The following TRIM22 variants were observed in gnomAD, a reference collection of about 807,000 sequenced individuals.
TRIM22 encodes E3 ubiquitin-protein ligase TRIM22.
In TRIM22, 45 loss-of-function variants were observed where a neutral mutation model predicts 53.6. The observed-to-expected ratio is 0.84, with a 90% CI of 0.66 to 1.08. The LOEUF (loss-of-function observed/expected upper bound fraction) is 1.08, where lower values mean the gene tolerates loss of function less well. Among genes scored for constraint, TRIM22 ranks in the 50% least tolerant of loss-of-function variants. The probability of loss-of-function intolerance (pLI) is 0.00; values close to 1 mark genes in which losing one functional copy is unlikely to be tolerated. For synonymous variants in TRIM22, 225 were observed against 216.6 expected (o/e 1.04, Z -0.34); for missense variants, 616 against 590.9 (o/e 1.04, Z -0.44).
At chr11:5,699,213 T>C (rs1853321975) in intron 4 of TRIM22, among the ~76,000 whole-genome samples, 2 of 152,164 alleles carry the variant, frequency 1.3e-5, no homozygotes, top group South Asian at 4.1e-4. Context: ...TCATTTATCT[T>C]GAGTAGATTT....
At chr11:5,706,837 G>A (rs144830918) in intron 5 of TRIM22, among the ~76,000 whole-genome samples, 1 of 152,176 alleles carries the variant, frequency 6.6e-6, no homozygotes, top group Admixed American at 6.5e-5. Context: ...TTAGGAATAA[G>A]AGTTTGCAAT....
At chr11:5,697,034 A>T in intron 2 of TRIM22, 1 of 535,450 alleles carries the variant, frequency 1.9e-6, no homozygotes, top group Non-Finnish European at 3.3e-6. Flanking sequence ...GAATCAGGCT[A>T]CTCTTGATAA....
At position 5,696,672 on chromosome 11, in the gene TRIM22, A is replaced by AG; in HGVS notation, c.423+19dup. On this transcript the variant is annotated intron_variant, in intron 2 of 7. Transcript: ENST00000379965. ...GAATGTCAGGTAGGCTCCAAGATAG[A>AG]GGAAGAGAGAGCAGAGAGCAGAAGA... 6.3e-7 allele frequency: 1 copy of AG among 1,593,956 alleles called. No homozygotes were observed. The highest frequency in any genetic ancestry group is 8.5e-7 in the Non-Finnish European group (1 of 1,173,702).
At chr11:5,695,809 G>A (rs1239327276) in intron 1 of TRIM22, among the ~76,000 whole-genome samples, 2 of 152,158 alleles carry the variant, frequency 1.3e-5, no homozygotes, top group Non-Finnish European at 2.9e-5. Context: ...CCAGGGGCAG[G>A]GGTGTGTTTA....
chr11:5,709,537 C>T lies in TRIM22; in HGVS notation c.1386C>T (p.His462=), dbSNP rs762670724. The change falls in exon 8 of 8, where the codon CAC becomes CAT. Residue 462 remains histidine (H), a synonymous_variant. Transcript: ENST00000379965. ...GIVSFFNVTN[H]GALIYKFSGC... is the part of the protein sequence containing the mutation. ...TCTCATTTTTCAATGTCACAAACCA[C>T]GGAGCACTCATCTACAAGTTCTCTG... The T allele has an allele frequency of 1.5e-5, 24 of 1,614,018 alleles. No homozygotes were observed. The highest frequency in any genetic ancestry group is 5.5e-5 in the South Asian group (5 of 91,086).
Position 5,697,348 on chromosome 11 carries a change from G to A in TRIM22, c.519+5G>A, listed in dbSNP as rs1203955314. 6.2e-7 allele frequency: 1 copy of A among 1,609,696 alleles called. No individual in the cohort carries two copies. The highest frequency in any genetic ancestry group is 8.5e-7 in the Non-Finnish European group (1 of 1,177,180). ...CAAGAGAGAACCGCCTGGAAGGCAG[G>A]AGGAGACACCTCCTAAGGGATAATT... On this transcript the variant is annotated splice_donor_5th_base_variant and intron_variant, in intron 3 of 7. Coordinates refer to ENST00000379965, the MANE Select transcript of TRIM22 (RefSeq NM_006074.5).
chr11:5,699,000 A>G (rs1411483075), intron 4 of TRIM22, among the ~76,000 whole-genome samples: 1 of 152,232 alleles, frequency 6.6e-6, no homozygotes, highest in Non-Finnish European at 1.5e-5. Flanking sequence ...TCTTTAACTT[A>G]GCATAATATT....
At chr11:5,703,227 C>T (rs1853400375) in intron 4 of TRIM22, among the ~76,000 whole-genome samples, 1 of 152,096 alleles carries the variant, frequency 6.6e-6, no homozygotes, top group Non-Finnish European at 1.5e-5. Flanking sequence ...TCTGTAGTGT[C>T]TATTATTTCC....
Position 5,692,248 on chromosome 11 carries a change from T to C in TRIM22, c.-67+2349T>C, listed in dbSNP as rs192786949. Reference sequence around the variant, plus strand: ...CTGCAATAGGATGTGGTATCTGTAGTGCTCTTGTCAAGGGCTTTGCAACTT... The same window carrying C: ...CTGCAATAGGATGTGGTATCTGTAGCGCTCTTGTCAAGGGCTTTGCAACTT... On this transcript the variant is annotated intron_variant, in intron 1 of 7. Transcript: ENST00000379965. 5.9e-5 allele frequency among the ~76,000 whole-genome samples: 9 copies of C among 152,360 alleles called. No individual in the cohort carries two copies. The East Asian group carries it at 1.7e-3, about 29-fold the overall frequency.
At chr11:5,703,343 C>T (rs867002024) in intron 4 of TRIM22, among the ~76,000 whole-genome samples, 5 of 152,002 alleles carry the variant, frequency 3.3e-5, no homozygotes, top group Non-Finnish European at 7.4e-5. Flanking sequence ...TTATGGCCTC[C>T]AGCTGCATCC....
chr11:5,705,390 C>A (rs1416277961), intron 4 of TRIM22, among the ~76,000 whole-genome samples: 1 of 151,972 alleles, frequency 6.6e-6, no homozygotes, highest in Admixed American at 6.6e-5. Flanking sequence ...GAAGAAAAAC[C>A]AGATTCTGAT....
chr11:5,693,676 C>T (rs569206483), intron 1 of TRIM22, among the ~76,000 whole-genome samples: 3 of 130,600 alleles, frequency 2.3e-5, no homozygotes, highest in South Asian at 2.4e-4. Flanking sequence ...GAGCCGAGAT[C>T]GCACCACTGC....
intron 5 of TRIM22, 132 bp from the exon 6 acceptor site, chr11:5,708,041 T>A: frequency 1.5e-6 from 1 of 650,804 alleles, no homozygotes; most frequent in Non-Finnish European, 2.7e-6. Context: ...GTCAGGCATC[T>A]CCCCTCTACT....
At position 5,710,825 on chromosome 11, in the gene TRIM22, T is replaced by C. The variant is rs1236613549; in HGVS notation, c.*1177T>C. On this transcript the variant is annotated 3_prime_UTR_variant, in exon 8 of 8. Coordinates refer to ENST00000379965, the MANE Select transcript of TRIM22 (RefSeq NM_006074.5). The stretch of plus-strand genomic sequence containing the variant: ...GGGAAACAATTTTTTGTTTTTGTTC[T>C]GTTTTCTTTTTGCTTCAATAAAACA... 1 of 152,230 alleles carries C rather than the reference T, an allele frequency of 6.6e-6. No homozygotes were observed. Among genetic ancestry groups the C allele is most frequent in the Non-Finnish European group, 1.5e-5 (1 of 68,036 alleles). The allele number at this position is 152,230 out of a possible 1,614,324, so 9.4% of individuals were successfully genotyped here. A position where few individuals can be genotyped will look rare whatever the true frequency, so the allele number is the denominator to read the frequency against.
Position 5,706,789 on chromosome 11 carries a change from G to C in TRIM22, c.773+173G>C, listed in dbSNP as rs1315425553. On this transcript the variant is annotated intron_variant, in intron 5 of 7. Transcript: ENST00000379965. The stretch of plus-strand genomic sequence containing the variant: ...AAAGTTTTCAATTGTAAGAAATTTT[G>C]GTGTTGGGAGATCACAGAGTTAGGG... Among the ~76,000 whole-genome samples, 4 of 152,190 alleles carry C rather than the reference G, an allele frequency of 2.6e-5. No homozygotes were observed. In the East Asian group the frequency reaches 7.7e-4, roughly 29 times the overall value.
At chr11:5,708,343 GT>G (rs1275316565) in intron 6 of TRIM22, 70 bp downstream of exon 6, 12 of 1,419,810 alleles carry the variant, frequency 8.5e-6, no homozygotes, top group African/African-American at 5.7e-5. Context: ...GAAGCGGGAG[GT>G]TTTTTTAGGT....
At position 5,698,276 on chromosome 11, in the gene TRIM22, C is replaced by G. The variant is rs760903707; in HGVS notation, c.520-39C>G. On this transcript the variant is annotated intron_variant, in intron 3 of 7. Transcript: ENST00000379965. ...GGCTCATACAAAGCAGGCCTTCAAC[C>G]AGCCAGACTGACTGCCTCTTTCTCT... The G allele has an allele frequency of 4.4e-6, 7 of 1,575,216 alleles. No homozygotes were observed. In the Admixed American group the frequency reaches 1.2e-4, roughly 26 times the overall value.
At chr11:5,694,784 G>T (rs945603888) in intron 1 of TRIM22, among the ~76,000 whole-genome samples, 3 of 152,052 alleles carry the variant, frequency 2.0e-5, no homozygotes. Context: ...TCCTATTATG[G>T]TGTTGGTGGT....
chr11:5,708,303 G>A (rs1237622897), intron 6 of TRIM22, 30 bp downstream of exon 6: 2 of 1,593,212 alleles, frequency 1.3e-6, no homozygotes, highest in East Asian at 2.2e-5. Flanking sequence ...GGCTGTGAAT[G>A]TGGATTTCTT....
Sources: gnomAD v4.1 joint callset for allele counts (sites outside exome capture counted in the v4.1 genomes callset) on GRCh38, gnomAD v4.1.1 for gene constraint, MANE v1.5 for transcripts, NCBI Gene and HGNC (gene_info 2026-07-23, HGNC 2026-07-21) for gene names.